MYO3B: variants seen among roughly 807,000 people sequenced by gnomAD.
MYO3B encodes myosin-IIIb.
Under a neutral mutation model 174.6 loss-of-function variants are expected in MYO3B, and 156 were observed. That is an observed-to-expected ratio of 0.89 (90% CI 0.78 to 1.02). The LOEUF is 1.02. Ranked by LOEUF, MYO3B falls within the 50% of genes least tolerant of loss-of-function variation. The pLI is 0.00. For synonymous variants in MYO3B, 563 were observed against 569.1 expected (o/e 0.99, Z 0.15); for missense variants, 1,632 against 1,639.4 (o/e 1.00, Z 0.08).
rs529997509 is a variant in MYO3B at position 170,393,621 on chromosome 2, C to T, written c.1791+1126C>T. ...TGTTAAATCTTAAGGGATTAGATTA[C>T]AAGACACTCCAGTTACCCTGGGATG... is the stretch of plus-strand genomic sequence containing the variant. On this transcript the variant is annotated intron_variant, in intron 16 of 34. Coordinates refer to ENST00000408978, the MANE Select transcript of MYO3B (RefSeq NM_138995.5). Among the ~76,000 whole-genome samples, 4 of 152,254 alleles carry T rather than the reference C, an allele frequency of 2.6e-5. No individual in the cohort carries two copies. In the East Asian group the frequency reaches 7.7e-4, roughly 29 times the overall value.
At chr2:170,624,487 G>A (rs1422234178) in intron 32 of MYO3B, among the ~76,000 whole-genome samples, 3 of 152,126 alleles carry the variant, frequency 2.0e-5, no homozygotes, top group Non-Finnish European at 4.4e-5. Flanking sequence ...GGACTTTCTA[G>A]ATATACAATC....
At chr2:170,243,603 G>A (rs769748198) in intron 7 of MYO3B, among the ~76,000 whole-genome samples, 1 of 152,192 alleles carries the variant, frequency 6.6e-6, no homozygotes, top group Non-Finnish European at 1.5e-5. Context: ...TAGAGCTATT[G>A]TGGGAGTTAA....
At chr2:170,326,612 A>G (rs941841420) in intron 7 of MYO3B, among the ~76,000 whole-genome samples, 2 of 152,166 alleles carry the variant, frequency 1.3e-5, no homozygotes, top group Admixed American at 6.5e-5. Flanking sequence ...GGCACCTTCT[A>G]TTGTCCTTGA....
chr2:170,436,221 G>A (rs2094752666), intron 22 of MYO3B, among the ~76,000 whole-genome samples: 1 of 152,170 alleles, frequency 6.6e-6, no homozygotes, highest in African/African-American at 2.4e-5. Flanking sequence ...GGGTGTTCTG[G>A]GGCAATGAGC....
chr2:170,587,205 A>G (rs1022901661), intron 32 of MYO3B, among the ~76,000 whole-genome samples: 1 of 152,234 alleles, frequency 6.6e-6, no homozygotes, highest in African/African-American at 2.4e-5. Context: ...ACTATACTGT[A>G]CTTTTTATTA....
chr2:170,581,388 T>C (rs1310577753), intron 32 of MYO3B, among the ~76,000 whole-genome samples: 1 of 152,218 alleles, frequency 6.6e-6, no homozygotes, highest in Non-Finnish European at 1.5e-5. Flanking sequence ...TTGCAGATTA[T>C]ATGCATTGCA....
At chr2:170,306,749 T>C (rs1054449700) in intron 7 of MYO3B, among the ~76,000 whole-genome samples, 3 of 152,126 alleles carry the variant, frequency 2.0e-5, no homozygotes, top group Non-Finnish European at 4.4e-5. Context: ...TGTGTGGGTG[T>C]GAAGTGACAA....
chr2:170,326,084 G>A (rs1277913140), intron 7 of MYO3B, among the ~76,000 whole-genome samples: 4 of 151,082 alleles, frequency 2.6e-5, no homozygotes, highest in East Asian at 1.9e-4. Context: ...ACTATACCCC[G>A]GCCCTCCCCC....
intron 25 of MYO3B, among the ~76,000 whole-genome samples, chr2:170,470,102 C>CAAAAAAAAAA (rs34472083): frequency 2.2e-5 from 1 of 46,366 alleles, no homozygotes; most frequent in Non-Finnish European, 3.9e-5. Context: ...AACTCCGTCT[C>CAAAAAAAAAA]AAAAAAAAAA....
chr2:170,633,450 A>G (rs1314898020), intron 32 of MYO3B, among the ~76,000 whole-genome samples: 1 of 142,762 alleles, frequency 7.0e-6, no homozygotes, highest in South Asian at 2.1e-4. Context: ...TCAATAAACT[A>G]GGTATTCAAG....
chr2:170,471,376 T>C (rs2105981480), intron 25 of MYO3B, among the ~76,000 whole-genome samples: 3 of 152,260 alleles, frequency 2.0e-5, no homozygotes, highest in Admixed American at 2.0e-4. Context: ...TGGTGTCCTT[T>C]GAAGCACAAA....
intron 7 of MYO3B, among the ~76,000 whole-genome samples, chr2:170,330,333 T>C (rs1488390982): frequency 6.6e-6 from 1 of 152,216 alleles, no homozygotes; most frequent in Non-Finnish European, 1.5e-5. Flanking sequence ...TCTTAATTCA[T>C]CTTCCAAAGT....
rs376329641 is a variant in MYO3B, at chr2:170,382,053, G to A, written c.1009G>A (p.Glu337Lys). ...RMHTRRPYHV[E>K]DAEKYCLEDD... ...GCATACCAGAAGACCTTATCATGTG[G>A]AAGATGCTGAAAAATACTGCCTTGA... The change falls in exon 10 of 35, where the codon GAA (glutamate) becomes AAA (lysine). Residue 337 changes from glutamate (E) to lysine (K), a missense_variant. Coordinates refer to ENST00000408978, the MANE Select transcript of MYO3B (RefSeq NM_138995.5). 3.6e-4 allele frequency: 588 copies of A among 1,613,536 alleles called. No homozygotes were observed. The highest frequency in any genetic ancestry group is 4.8e-4 in the Non-Finnish European group (570 of 1,179,692).
At chr2:170,601,978 TC>T (rs1156757650) in intron 32 of MYO3B, 1 of 857,288 alleles carries the variant, frequency 1.2e-6, no homozygotes, top group South Asian at 1.4e-5. Context: ...CTTTTTTGTC[TC>T]CCCTTTAGGA....
At chr2:170,291,862 C>T (rs1308189384) in intron 7 of MYO3B, among the ~76,000 whole-genome samples, 2 of 152,046 alleles carry the variant, frequency 1.3e-5, no homozygotes, top group African/African-American at 4.8e-5. Context: ...AGGATCTTCA[C>T]TTTGTCCTTG....
chr2:170,635,014 G>T (rs1238367574), intron 32 of MYO3B, among the ~76,000 whole-genome samples: 1 of 152,222 alleles, frequency 6.6e-6, no homozygotes, highest in Non-Finnish European at 1.5e-5. Flanking sequence ...ACTGTTGGTG[G>T]GAGTGCAAAC....
intron 7 of MYO3B, among the ~76,000 whole-genome samples, chr2:170,249,355 A>C (rs972272924): frequency 6.6e-6 from 1 of 152,012 alleles, no homozygotes; most frequent in African/African-American, 2.4e-5. Context: ...AACCCACACC[A>C]CCCTGCCCAC....
At chr2:170,560,504 C>T (rs1691636774) in intron 32 of MYO3B, among the ~76,000 whole-genome samples, 1 of 152,168 alleles carries the variant, frequency 6.6e-6, no homozygotes, top group Admixed American at 6.5e-5. Context: ...CTCAGTGTTC[C>T]CAAAGGGATT....
At chr2:170,494,072 G>T (rs539503370) in intron 25 of MYO3B, among the ~76,000 whole-genome samples, 1 of 152,268 alleles carries the variant, frequency 6.6e-6, no homozygotes, top group Non-Finnish European at 1.5e-5. Flanking sequence ...TGTTTTTAAG[G>T]CATTAAATTT....
Sources: gnomAD v4.1 joint callset for allele counts (sites outside exome capture counted in the v4.1 genomes callset) on GRCh38, gnomAD v4.1.1 for gene constraint, MANE v1.5 for transcripts, NCBI Gene and HGNC (gene_info 2026-07-23, HGNC 2026-07-21) for gene names.